SI: variants seen among roughly 807,000 people sequenced by gnomAD.
SI encodes sucrase-isomaltase, intestinal.
Under a neutral mutation model 253.3 loss-of-function variants are expected in SI, and 235 were observed. The ratio of observed to expected loss-of-function variants is 0.93; its 90% confidence interval spans 0.83 to 1.03. The LOEUF is 1.03. SI is among the 50% of genes least tolerant of loss of function. The pLI is 0.00. For synonymous variants in SI, 819 were observed against 712.0 expected (o/e 1.15, Z -2.39); for missense variants, 2,442 against 2,211.1 (o/e 1.10, Z -2.09).
At chr3:165,018,448 T>C (rs1300709810) in intron 28 of SI, among the ~76,000 whole-genome samples, 1 of 150,902 alleles carries the variant, frequency 6.6e-6, no homozygotes, top group East Asian at 1.9e-4. Context: ...TATCTATAAA[T>C]TGGTATTTTT....
chr3:165,000,312 A>C (rs1718199525), intron 37 of SI, among the ~76,000 whole-genome samples: 2 of 151,328 alleles, frequency 1.3e-5, no homozygotes, highest in South Asian at 4.1e-4. Context: ...CAGGTTGATA[A>C]GGATTCTACA....
chr3:165,080,663 A>G (rs1715282343), upstream of SI, among the ~76,000 whole-genome samples: 1 of 152,004 alleles, frequency 6.6e-6, no homozygotes, highest in African/African-American at 2.4e-5. Context: ...CAAAAAACCA[A>G]ACACTGCATG....
At chr3:165,022,021 C>T (rs2108185020) in intron 26 of SI, among the ~76,000 whole-genome samples, 1 of 151,602 alleles carries the variant, frequency 6.6e-6, no homozygotes, top group African/African-American at 2.4e-5. Flanking sequence ...TATTATTCAA[C>T]ATTTATGTTC....
chr3:164,980,250 TA>T (rs2108104716), intron 47 of SI, among the ~76,000 whole-genome samples: 1 of 152,074 alleles, frequency 6.6e-6, no homozygotes, highest in South Asian at 2.1e-4. Context: ...TAAATTAATT[TA>T]AAAAGTAATA....
rs190794530 is a variant in SI, at chr3:165,050,864, C to G, written c.1513-989G>C. Among the ~76,000 whole-genome samples, 58 of 152,012 alleles carry G rather than the reference C, an allele frequency of 3.8e-4. No homozygotes were observed. The East Asian group carries it at 0.011, about 28-fold the overall frequency. ...TGCTTTTCAGCTTCTTGAATCCTTCCCCTCTTATTTCAGCTTTCAATCCTC... is the reference window on the plus strand; with the variant it reads ...TGCTTTTCAGCTTCTTGAATCCTTCGCCTCTTATTTCAGCTTTCAATCCTC... On this transcript the variant is annotated intron_variant, in intron 13 of 47. Coordinates refer to ENST00000264382, the MANE Select transcript of SI (RefSeq NM_001041.4).
chr3:165,005,729 A>G (rs1246089079), intron 37 of SI, among the ~76,000 whole-genome samples: 1 of 152,172 alleles, frequency 6.6e-6, no homozygotes, highest in Admixed American at 6.5e-5. Context: ...TGGCACCCAG[A>G]ATTATAGATG....
rs1218301883 is a variant in SI, at chr3:165,017,893, T to G, written c.3521-20A>C. On this transcript the variant is annotated intron_variant, in intron 29 of 47. Coordinates refer to ENST00000264382, the MANE Select transcript of SI (RefSeq NM_001041.4). The stretch of plus-strand genomic sequence containing the variant: ...TAACATCTGGAAATCCAAAATAACA[T>G]CCCATTTTCATCTATGTATACTAGT... 6.3e-7 allele frequency: 1 copy of G among 1,593,782 alleles called. No homozygotes were observed. Among genetic ancestry groups the G allele is most frequent in the African/African-American group, 1.3e-5 (1 of 74,390 alleles).
chr3:165,012,458 T>C (rs1395809191), intron 34 of SI, among the ~76,000 whole-genome samples: 4 of 152,202 alleles, frequency 2.6e-5, no homozygotes, highest in Non-Finnish European at 4.4e-5. Context: ...AGATGGAGTC[T>C]CGCTCTGTCA....
chr3:165,019,309 T>C (rs191077791), intron 28 of SI, among the ~76,000 whole-genome samples: 2 of 152,072 alleles, frequency 1.3e-5, no homozygotes, highest in East Asian at 3.9e-4. Context: ...TGACAGGGAA[T>C]ACAGAATCAG....
intron 34 of SI, among the ~76,000 whole-genome samples, chr3:165,012,033 C>T (rs1490936448): frequency 6.6e-6 from 1 of 152,016 alleles, no homozygotes; most frequent in Non-Finnish European, 1.5e-5. Context: ...AGAACTATAG[C>T]CACTCCTGTT....
At chr3:165,077,794 A>T (rs912217108) in intron 1 of SI, among the ~76,000 whole-genome samples, 1 of 151,618 alleles carries the variant, frequency 6.6e-6, no homozygotes, top group Non-Finnish European at 1.5e-5. Context: ...TAAAAAATGC[A>T]TTTTTGTCAT....
chr3:165,060,623 T>C (rs1713937067), intron 9 of SI, among the ~76,000 whole-genome samples: 2 of 151,686 alleles, frequency 1.3e-5, no homozygotes, highest in African/African-American at 4.8e-5. Context: ...TCGCCATCTC[T>C]TCCTATTTCT....
At chr3:165,075,349 AAG>A (rs1714886823) in intron 2 of SI, among the ~76,000 whole-genome samples, 1 of 151,984 alleles carries the variant, frequency 6.6e-6, no homozygotes, top group African/African-American at 2.4e-5. Flanking sequence ...ATAATGAAGA[AAG>A]AGATTCAGCA....
Position 165,032,375 on chromosome 3 carries a change from A to T in SI, c.2736+147T>A, listed in dbSNP as rs1712294871. ...ATTGGAATATTGTTCAGAAAAAGTG[A>T]AGAAAAAAATGAAGGGAAGAAGGAA... On this transcript the variant is annotated intron_variant, in intron 24 of 47. Transcript: ENST00000264382. 4 of 558,206 alleles carry T rather than the reference A, an allele frequency of 7.2e-6. No individual in the cohort carries two copies. In the Admixed American group the frequency reaches 1.3e-4, roughly 17 times the overall value. The allele number at this position is 558,206 out of a possible 1,614,324, so 34.6% of individuals were successfully genotyped here.
chr3:165,010,290 G>C (rs1419044010), intron 34 of SI, among the ~76,000 whole-genome samples: 1 of 151,982 alleles, frequency 6.6e-6, no homozygotes, highest in Non-Finnish European at 1.5e-5. Flanking sequence ...CTCCAGAGTA[G>C]GTGGGATTAC....
intron 16 of SI, among the ~76,000 whole-genome samples, chr3:165,046,380 T>C (rs1713115593): frequency 7.7e-6 from 1 of 129,064 alleles, no homozygotes; most frequent in East Asian, 2.7e-4. Flanking sequence ...ACACATTTTC[T>C]CCACTTTTGA....
intron 44 of SI, 47 bp from the exon 45 acceptor site, chr3:164,987,273 T>C (rs1202877654): frequency 6.9e-7 from 1 of 1,440,238 alleles, no homozygotes; most frequent in East Asian, 2.3e-5. Flanking sequence ...TAGAATAGCA[T>C]ATGTCTAGTT....
intron 47 of SI, among the ~76,000 whole-genome samples, chr3:164,981,035 C>T (rs918366465): frequency 2.6e-5 from 4 of 151,832 alleles, no homozygotes; most frequent in Non-Finnish European, 5.9e-5. Context: ...CTTTGTCACC[C>T]ACATAAGACT....
chr3:165,053,003 C>T (rs890768773), intron 13 of SI, among the ~76,000 whole-genome samples: 2 of 151,134 alleles, frequency 1.3e-5, no homozygotes, highest in South Asian at 4.2e-4. Flanking sequence ...AGAATAGAAC[C>T]AAAATAACAA....
Sources: allele counts gnomAD v4.1 joint callset (sites outside exome capture counted in the v4.1 genomes callset), GRCh38; gene constraint gnomAD v4.1.1; transcripts MANE v1.5; gene names NCBI Gene and HGNC (gene_info 2026-07-23, HGNC 2026-07-21).